C4orf17: variants seen among roughly 807,000 people sequenced by gnomAD.
C4orf17 encodes the protein chromosome 4 open reading frame 17, also known as uncharacterized protein C4orf17.
A neutral mutation model predicts 32.0 loss-of-function variants in C4orf17; 25 were observed. The observed-to-expected ratio is 0.78, with a 90% confidence interval of 0.57 to 1.09. The LOEUF (loss-of-function observed/expected upper bound fraction) is 1.09, where lower values mean the gene tolerates loss of function less well. C4orf17 is among the 50% of genes least tolerant of loss of function. The pLI is 0.00. For synonymous variants in C4orf17, 149 were observed against 145.8 expected (o/e 1.02, Z -0.16); for missense variants, 420 against 420.0 (o/e 1.00, Z 0.00).
At chr4:99,514,421 A>G (rs1189401901) in intron 2 of C4orf17, among the ~76,000 whole-genome samples, 1 of 152,146 alleles carries the variant, frequency 6.6e-6, no homozygotes, top group South Asian at 2.1e-4. Flanking sequence ...AAAAACAAAT[A>G]ATCCCATCAA....
At chr4:99,512,136 C>G (rs975739043) in intron 1 of C4orf17, among the ~76,000 whole-genome samples, 1 of 152,166 alleles carries the variant, frequency 6.6e-6, no homozygotes, top group Non-Finnish European at 1.5e-5. Flanking sequence ...GCAAATTATT[C>G]TAACCCAAAA....
At chr4:99,541,804 C>A in intron 8 of C4orf17, 106 bp from the exon 9 acceptor site, 1 of 826,760 alleles carries the variant, frequency 1.2e-6, no homozygotes, top group South Asian at 1.7e-5. Flanking sequence ...ATCTGATTCA[C>A]CTAAACTTCA....
chr4:99,518,552 G>C (rs552936622), intron 2 of C4orf17, among the ~76,000 whole-genome samples: 1 of 87,114 alleles, frequency 1.1e-5, no homozygotes, highest in Non-Finnish European at 2.0e-5. Context: ...TATAGAGAGA[G>C]AGAGAGAGAG....
At chr4:99,514,356 C>T (rs1485010674) in intron 2 of C4orf17, among the ~76,000 whole-genome samples, 2 of 152,050 alleles carry the variant, frequency 1.3e-5, no homozygotes, top group Non-Finnish European at 2.9e-5. Context: ...AACTACGCAT[C>T]CGACAAAGGA....
At chr4:99,513,244 T>C (rs1420103121) in intron 2 of C4orf17, 36 bp downstream of exon 2, 3 of 1,610,766 alleles carry the variant, frequency 1.9e-6, no homozygotes, top group Admixed American at 1.7e-5. Context: ...GTGTCTCTAT[T>C]CTCTACACTT....
intron 1 of C4orf17, among the ~76,000 whole-genome samples, 151 bp downstream of exon 1, chr4:99,511,423 CTTT>C (rs35370166): frequency 2.1e-5 from 3 of 144,504 alleles, no homozygotes; most frequent in Admixed American, 2.1e-4. Flanking sequence ...TTCTTGTTGA[CTTT>C]TTTTTTTTCA....
At chr4:99,516,758 T>C (rs955825125) in intron 2 of C4orf17, among the ~76,000 whole-genome samples, 1 of 152,156 alleles carries the variant, frequency 6.6e-6, no homozygotes, top group African/African-American at 2.4e-5. Context: ...AGAGGCCAGA[T>C]TTAGGCAGGC....
intron 4 of C4orf17, among the ~76,000 whole-genome samples, chr4:99,528,728 G>A (rs1236827784): frequency 6.6e-6 from 1 of 152,126 alleles, no homozygotes; most frequent in East Asian, 1.9e-4. Flanking sequence ...AAGTAAAGGG[G>A]GAGGCCACTT....
chr4:99,516,710 G>A (rs775346783), intron 2 of C4orf17, among the ~76,000 whole-genome samples: 4 of 152,160 alleles, frequency 2.6e-5, no homozygotes, highest in Non-Finnish European at 5.9e-5. Flanking sequence ...TGGGGAGGAG[G>A]GAAGGGATAA....
intron 2 of C4orf17, among the ~76,000 whole-genome samples, chr4:99,521,959 C>T (rs1053539260): frequency 6.6e-6 from 1 of 152,090 alleles, no homozygotes; most frequent in African/African-American, 2.4e-5. Context: ...CCTTTTATAC[C>T]AACTTCTCCT....
chr4:99,537,184 T>A (rs1404166803), intron 5 of C4orf17, among the ~76,000 whole-genome samples: 1 of 152,214 alleles, frequency 6.6e-6, no homozygotes, highest in African/African-American at 2.4e-5. Context: ...ATGTTAATTA[T>A]CTGCAAGTGT....
intron 1 of C4orf17, among the ~76,000 whole-genome samples, chr4:99,511,950 A>G (rs943972758): frequency 6.6e-6 from 1 of 152,134 alleles, no homozygotes; most frequent in Admixed American, 6.6e-5. Flanking sequence ...GTTCCTGAAA[A>G]CCAGATATTC....
intron 5 of C4orf17, among the ~76,000 whole-genome samples, chr4:99,537,108 C>CT (rs1723575106): frequency 6.6e-6 from 1 of 152,124 alleles, no homozygotes; most frequent in East Asian, 1.9e-4. Context: ...ATATTGCCCC[C>CT]TAATGGTATT....
intron 2 of C4orf17, among the ~76,000 whole-genome samples, chr4:99,514,318 A>G (rs1723142088): frequency 6.6e-6 from 1 of 152,190 alleles, no homozygotes; most frequent in African/African-American, 2.4e-5. Flanking sequence ...CAAACAGACA[A>G]CCTGCAGAGT....
chr4:99,538,783 G>A (rs1259351041), intron 6 of C4orf17, among the ~76,000 whole-genome samples: 1 of 151,862 alleles, frequency 6.6e-6, no homozygotes, highest in Non-Finnish European at 1.5e-5. Flanking sequence ...AGATATGCTT[G>A]TAACTATTTA....
At chr4:99,513,591 CAT>C (rs1307483548) in intron 2 of C4orf17, among the ~76,000 whole-genome samples, 3 of 152,248 alleles carry the variant, frequency 2.0e-5, no homozygotes, top group Admixed American at 6.5e-5. Flanking sequence ...CCTAAGGAAG[CAT>C]ATGTTTTACT....
In C4orf17 at chr4:99,522,539, A is replaced by T; in HGVS notation, c.167A>T (p.Glu56Val). Residue 56 changes from glutamate to valine, a missense_variant, in exon 3 of 9, where the codon GAG becomes GTG. Glu to Val is a moderately radical substitution (Grantham distance 121). Coordinates refer to ENST00000326581, the MANE Select transcript of C4orf17 (RefSeq NM_032149.3). ...NIPICTVNDD[E>V]NAFGTLWGVG... Reference sequence around the variant, plus strand: ...CCAATCTGTACTGTGAATGATGATGAGAATGCATTTGGAACATTGTGGGGA... The same window carrying T: ...CCAATCTGTACTGTGAATGATGATGTGAATGCATTTGGAACATTGTGGGGA... 1 of 1,613,994 alleles carries T rather than the reference A, an allele frequency of 6.2e-7. No individual in the cohort carries two copies. Among genetic ancestry groups the T allele is most frequent in the Non-Finnish European group, 8.5e-7 (1 of 1,179,894 alleles).
At chr4:99,532,124 G>A (rs1030498934) in intron 5 of C4orf17, among the ~76,000 whole-genome samples, 2 of 152,142 alleles carry the variant, frequency 1.3e-5, no homozygotes, top group African/African-American at 4.8e-5. Flanking sequence ...CAGCCCTTGT[G>A]GAAAGCAGTT....
chr4:99,526,521 C>T (rs1361333606), intron 4 of C4orf17, among the ~76,000 whole-genome samples: 1 of 152,012 alleles, frequency 6.6e-6, no homozygotes, highest in African/African-American at 2.4e-5. Flanking sequence ...GTTTAATATT[C>T]TGGAAGATTT....
Sources: allele counts gnomAD v4.1 joint callset (sites outside exome capture counted in the v4.1 genomes callset), GRCh38; gene constraint gnomAD v4.1.1; transcripts MANE v1.5; gene names NCBI Gene and HGNC (gene_info 2026-07-23, HGNC 2026-07-21).